Variants in RALYL observed in about 807,000 individuals in gnomAD.
RALYL encodes the protein RALY RNA binding protein like.
A neutral mutation model predicts 35.1 loss-of-function variants in RALYL; 29 were observed. The ratio of observed to expected loss-of-function variants is 0.83; its 90% CI spans 0.61 to 1.13. The LOEUF is 1.13. Ranked by LOEUF, RALYL falls within the 50% of genes most tolerant of loss-of-function variation. RALYL has a pLI of 0.00. For missense variants in RALYL, 359 were observed against 360.4 expected (o/e 1.00, Z 0.03); for synonymous variants, 120 against 127.6 (o/e 0.94, Z 0.40).
chr8:84,523,762 G>A (rs1415792459), intron 1 of RALYL, among the ~76,000 whole-genome samples: 4 of 148,420 alleles, frequency 2.7e-5, no homozygotes, highest in Admixed American at 6.9e-5. Flanking sequence ...TAGAATATGC[G>A]GTGTTTGGTT....
intron 4 of RALYL, among the ~76,000 whole-genome samples, chr8:84,809,016 G>A (rs564438814): frequency 8.5e-5 from 13 of 152,048 alleles, no homozygotes; most frequent in Non-Finnish European, 1.6e-4. Context: ...TTGTCTAGTT[G>A]CTCTGGCTAG....
At chr8:84,663,178 G>T (rs1831252638) in intron 2 of RALYL, among the ~76,000 whole-genome samples, 1 of 152,010 alleles carries the variant, frequency 6.6e-6, no homozygotes, top group African/African-American at 2.4e-5. Flanking sequence ...CTTTTTTATG[G>T]CTGCATACTA....
intron 4 of RALYL, among the ~76,000 whole-genome samples, chr8:84,839,386 G>C (rs1258311185): frequency 6.6e-6 from 1 of 152,210 alleles, no homozygotes; most frequent in East Asian, 1.9e-4. Flanking sequence ...ACAGCAGTCT[G>C]AGATCAAACT....
At chr8:84,559,437 A>T (rs896307663) in intron 2 of RALYL, among the ~76,000 whole-genome samples, 2 of 152,056 alleles carry the variant, frequency 1.3e-5, no homozygotes, top group Admixed American at 1.3e-4. Flanking sequence ...CTTTGTTTAT[A>T]TATTTTTTAA....
At chr8:84,661,996 G>T (rs1258004148) in intron 2 of RALYL, among the ~76,000 whole-genome samples, 1 of 151,378 alleles carries the variant, frequency 6.6e-6, no homozygotes, top group Non-Finnish European at 1.5e-5. Flanking sequence ...CAGATTTAAG[G>T]TAGCTTTTCT....
At chr8:84,361,309 C>T (rs372720183) in intron 1 of RALYL, among the ~76,000 whole-genome samples, 2 of 152,150 alleles carry the variant, frequency 1.3e-5, no homozygotes, top group South Asian at 4.1e-4. Context: ...TTTGTTCCAG[C>T]ACTCCAATAT....
chr8:84,816,292 C>A (rs1268582696), intron 4 of RALYL, among the ~76,000 whole-genome samples: 4 of 152,092 alleles, frequency 2.6e-5, no homozygotes, highest in Non-Finnish European at 5.9e-5. Flanking sequence ...AGACACTGAG[C>A]CACTTTGAGC....
At chr8:84,342,296 A>AT (rs1554626164) in intron 1 of RALYL, among the ~76,000 whole-genome samples, 3 of 119,256 alleles carry the variant, frequency 2.5e-5, no homozygotes, top group East Asian at 2.6e-4. Flanking sequence ...ATATATATAT[A>AT]AAACTCAAAA....
At chr8:84,318,738 TAA>T (rs1302403134) in intron 1 of RALYL, among the ~76,000 whole-genome samples, 1 of 152,170 alleles carries the variant, frequency 6.6e-6, no homozygotes, top group Non-Finnish European at 1.5e-5. Context: ...ATAGGAGTGA[TAA>T]AAGAGTTGAG....
At chr8:84,426,422 C>T (rs934692962) in intron 1 of RALYL, among the ~76,000 whole-genome samples, 3 of 137,272 alleles carry the variant, frequency 2.2e-5, no homozygotes, top group South Asian at 2.5e-4. Flanking sequence ...TACTCTTTTG[C>T]GTTCTCTCTC....
rs144172683 is a variant in RALYL at position 84,687,278 on chromosome 8, C to G, written c.257-87301C>G. ...ATGCCTACCATATGCATAAAATGAT[C>G]TTAGGGTCTATGAGTCTATTTCATT... On this transcript the variant is annotated intron_variant, in intron 2 of 8. Transcript: ENST00000521268. Among the ~76,000 whole-genome samples the G allele has an allele frequency of 3.4e-3, 525 of 152,178 alleles. 4 individuals carry two copies. Among genetic ancestry groups the G allele is most frequent in the African/African-American group, 0.012 (511 of 41,546 alleles).
chr8:84,869,501 G>A (rs190186247), intron 6 of RALYL, among the ~76,000 whole-genome samples: 129 of 152,254 alleles, frequency 8.5e-4, no homozygotes, highest in African/African-American at 3.0e-3. Context: ...TGGTAAGGGA[G>A]GTTATATCTA....
At chr8:84,218,649 C>CT (rs1324467260) in intron 1 of RALYL, among the ~76,000 whole-genome samples, 1 of 151,998 alleles carries the variant, frequency 6.6e-6, no homozygotes, top group African/African-American at 2.4e-5. Context: ...GTTTCTAACT[C>CT]CAACACTGAT....
chr8:84,592,069 T>G (rs1588391548), intron 2 of RALYL, among the ~76,000 whole-genome samples: 1 of 152,112 alleles, frequency 6.6e-6, no homozygotes, highest in East Asian at 1.9e-4. Context: ...TTTTGGTTTA[T>G]TTTTTGGCCA....
intron 2 of RALYL, among the ~76,000 whole-genome samples, chr8:84,709,142 G>A (rs1841722547): frequency 6.6e-6 from 1 of 152,018 alleles, no homozygotes; most frequent in Non-Finnish European, 1.5e-5. Context: ...TTATTTCTGT[G>A]GGTTGCAATC....
At chr8:84,280,610 A>G (rs1006924222) in intron 1 of RALYL, among the ~76,000 whole-genome samples, 90 of 151,784 alleles carry the variant, frequency 5.9e-4, no homozygotes, top group South Asian at 2.1e-4. Flanking sequence ...CCATACCATA[A>G]TAAAGGTCAA....
intron 1 of RALYL, among the ~76,000 whole-genome samples, chr8:84,455,139 T>A (rs994567834): frequency 6.6e-6 from 1 of 152,032 alleles, no homozygotes; most frequent in African/African-American, 2.4e-5. Flanking sequence ...TAGAGGCCTA[T>A]TGTGTAAGTA....
At chr8:84,631,664 G>T (rs1823940851) in intron 2 of RALYL, among the ~76,000 whole-genome samples, 1 of 151,640 alleles carries the variant, frequency 6.6e-6, no homozygotes, top group Non-Finnish European at 1.5e-5. Context: ...ATTCAGGATA[G>T]AGGAAGACTG....
chr8:84,488,241 T>C (rs1042858038), intron 1 of RALYL, among the ~76,000 whole-genome samples: 1 of 152,104 alleles, frequency 6.6e-6, no homozygotes, highest in African/African-American at 2.4e-5. Flanking sequence ...AGTTCAGTGA[T>C]ACAAATACGG....
Sources: gnomAD v4.1 joint callset for allele counts (sites outside exome capture counted in the v4.1 genomes callset) on GRCh38, gnomAD v4.1.1 for gene constraint, MANE v1.5 for transcripts, NCBI Gene and HGNC (gene_info 2026-07-23, HGNC 2026-07-21) for gene names.